The following NETO1 variants were observed in gnomAD, a reference collection of about 807,000 sequenced individuals.
NETO1 encodes neuropilin and tolloid like 1.
Under a neutral mutation model 61.3 loss-of-function variants are expected in NETO1, and 26 were observed. The ratio of observed to expected loss-of-function variants is 0.42; its 90% CI spans 0.31 to 0.59. NETO1 has a LOEUF of 0.59. Among genes scored for constraint, NETO1 ranks in the 20% least tolerant of loss-of-function variants. The pLI is 0.12. For missense variants in NETO1, 531 were observed against 662.8 expected (o/e 0.80, Z 2.18); for synonymous variants, 225 against 225.8 (o/e 1.00, Z 0.03).
intron 6 of NETO1, 141 bp from the exon 7 acceptor site, chr18:72,784,047 A>T: frequency 1.6e-6 from 1 of 641,802 alleles, no homozygotes; most frequent in East Asian, 2.7e-5. Flanking sequence ...AATAGAAAGA[A>T]GATGTACGAT....
At chr18:72,794,092 G>A (rs779295229) in intron 6 of NETO1, 25 bp downstream of exon 6, 1 of 1,614,052 alleles carries the variant, frequency 6.2e-7, no homozygotes, top group South Asian at 1.1e-5. Flanking sequence ...CAGCTGTCAA[G>A]TGTGGGTTTC....
chr18:72,859,382 G>C (rs2145646863), intron 3 of NETO1, among the ~76,000 whole-genome samples: 1 of 152,292 alleles, frequency 6.6e-6, no homozygotes, highest in Non-Finnish European at 1.5e-5. Flanking sequence ...CTTGGAGTTA[G>C]AAGGTCAAGG....
intron 4 of NETO1, among the ~76,000 whole-genome samples, chr18:72,832,970 C>T (rs1320113292): frequency 2.0e-5 from 3 of 152,036 alleles, no homozygotes; most frequent in East Asian, 1.9e-4. Flanking sequence ...TTTTAGAAGG[C>T]TATGTAAATG....
chr18:72,769,714 T>G (rs1390052224), intron 7 of NETO1, among the ~76,000 whole-genome samples: 8 of 152,162 alleles, frequency 5.3e-5, no homozygotes, highest in Non-Finnish European at 8.8e-5. Context: ...GTTTATCCCA[T>G]GTAGTTACAA....
At chr18:72,826,587 C>G (rs2073380678) in intron 4 of NETO1, among the ~76,000 whole-genome samples, 1 of 151,642 alleles carries the variant, frequency 6.6e-6, no homozygotes, top group South Asian at 2.1e-4. Context: ...ATAACGATTT[C>G]TGTATTTCCT....
chr18:72,794,048 C>T, intron 6 of NETO1, 69 bp downstream of exon 6: 7 of 1,600,728 alleles, frequency 4.4e-6, no homozygotes, highest in Non-Finnish European at 6.0e-6. Context: ...CCAGTTGCTT[C>T]AAAGCAATGC....
Position 72,789,235 on chromosome 18 carries a change from CACACACACACACACAT to C in NETO1, c.639+4866_639+4881del, listed in dbSNP as rs756395927. On this transcript the variant is annotated intron_variant, in intron 6 of 10. Coordinates refer to ENST00000327305, the MANE Select transcript of NETO1 (RefSeq NM_138966.5). ...GCACACACACACACACACACACACA[CACACACACACACACAT>C]GTGCACAGCACAATTCCTGATATAA... Among the ~76,000 whole-genome samples the C allele has an allele frequency of 3.6e-4, 53 of 146,618 alleles. 1 individual carries two copies. The highest frequency in any genetic ancestry group is 4.6e-4 in the South Asian group (2 of 4,378).
At chr18:72,783,615 C>T (rs1277396680) in intron 7 of NETO1, 63 bp downstream of exon 7, 5 of 1,379,266 alleles carry the variant, frequency 3.6e-6, no homozygotes, top group Non-Finnish European at 5.2e-6. Flanking sequence ...CCATTAACAG[C>T]TTATGAAACT....
intron 3 of NETO1, among the ~76,000 whole-genome samples, chr18:72,863,031 T>C (rs2074626525): frequency 6.6e-6 from 1 of 152,184 alleles, no homozygotes; most frequent in Non-Finnish European, 1.5e-5. Context: ...TGTTTCTTAG[T>C]TTATGTTCTT....
chr18:72,810,718 G>A (rs913380045), intron 4 of NETO1, among the ~76,000 whole-genome samples: 117 of 152,098 alleles, frequency 7.7e-4, no homozygotes, highest in Admixed American at 7.3e-3. Flanking sequence ...GTAGTTCCTC[G>A]CTCGTTTTTC....
At chr18:72,859,220 C>G (rs914331907) in intron 3 of NETO1, 146 bp from the exon 4 acceptor site, 1 of 779,738 alleles carries the variant, frequency 1.3e-6, no homozygotes, top group East Asian at 2.9e-5. Context: ...GCATATGATA[C>G]TATTCTACGG....
chr18:72,843,569 C>A (rs1187363085), intron 4 of NETO1, among the ~76,000 whole-genome samples: 1 of 152,144 alleles, frequency 6.6e-6, no homozygotes, highest in Non-Finnish European at 1.5e-5. Context: ...ATGATCTGGT[C>A]ATTTCATATG....
intron 4 of NETO1, among the ~76,000 whole-genome samples, chr18:72,807,980 C>G (rs2072734785): frequency 2.0e-5 from 3 of 151,626 alleles, no homozygotes; most frequent in African/African-American, 7.3e-5. Context: ...GAGCCCATCT[C>G]CTGAGCCATC....
chr18:72,854,576 T>A (rs2074358499), intron 4 of NETO1, among the ~76,000 whole-genome samples: 1 of 152,156 alleles, frequency 6.6e-6, no homozygotes, highest in Admixed American at 6.5e-5. Flanking sequence ...GAATGAGGAG[T>A]ACAGTAGATA....
chr18:72,864,034 C>T (rs957443811), intron 3 of NETO1, among the ~76,000 whole-genome samples: 2 of 152,112 alleles, frequency 1.3e-5, no homozygotes, highest in African/African-American at 4.8e-5. Context: ...AGCTGGCCAA[C>T]ATCGTGAAGT....
chr18:72,859,708 C>T (rs2074511160), intron 3 of NETO1, among the ~76,000 whole-genome samples: 1 of 152,128 alleles, frequency 6.6e-6, no homozygotes, highest in Admixed American at 6.5e-5. Flanking sequence ...GCTCAGACCA[C>T]TTCAGACATG....
In NETO1 at chr18:72,790,440, A is replaced by G. The variant is rs115102857; in HGVS notation, c.639+3677T>C. Among the ~76,000 whole-genome samples, 991 of 152,252 alleles carry G rather than the reference A, an allele frequency of 6.5e-3. 13 individuals are homozygous for G. Among genetic ancestry groups the G allele is most frequent in the African/African-American group, 0.022 (930 of 41,562 alleles). On this transcript the variant is annotated intron_variant, in intron 6 of 10. Coordinates refer to ENST00000327305, the MANE Select transcript of NETO1 (RefSeq NM_138966.5). The stretch of plus-strand genomic sequence containing the variant: ...CTGGGCCAGGAATTGGGAGTTGTTA[A>G]CCTTGCTCCAGCTCTGTTGCTAACT...
At chr18:72,836,019 T>A (rs1430816516) in intron 4 of NETO1, among the ~76,000 whole-genome samples, 1 of 151,956 alleles carries the variant, frequency 6.6e-6, no homozygotes, top group Non-Finnish European at 1.5e-5. Context: ...AGGGAAGGGG[T>A]AAAAGGAACG....
intron 4 of NETO1, among the ~76,000 whole-genome samples, chr18:72,838,481 T>C (rs776560271): frequency 2.0e-5 from 3 of 152,236 alleles, no homozygotes; most frequent in Non-Finnish European, 4.4e-5. Flanking sequence ...AGGTAACTTA[T>C]ACATTATTGT....
Sources: gnomAD v4.1 joint callset for allele counts (sites outside exome capture counted in the v4.1 genomes callset) on GRCh38, gnomAD v4.1.1 for gene constraint, MANE v1.5 for transcripts, NCBI Gene and HGNC (gene_info 2026-07-23, HGNC 2026-07-21) for gene names.